The following MTX2 variants were observed in gnomAD, a reference collection of about 807,000 sequenced individuals.
MTX2 encodes metaxin 2, also known as metaxin-2.
A neutral mutation model predicts 42.3 loss-of-function variants in MTX2; 35 were observed. That is an observed-to-expected ratio of 0.83 (90% CI 0.63 to 1.10). The LOEUF is 1.10. Ranked by LOEUF, MTX2 falls within the 50% of genes least tolerant of loss-of-function variation. The probability of loss-of-function intolerance (pLI) is 0.00; values close to 1 mark genes in which losing one functional copy is unlikely to be tolerated. For synonymous variants in MTX2, 119 were observed against 100.9 expected (o/e 1.18, Z -1.08); for missense variants, 307 against 304.1 (o/e 1.01, Z -0.07).
chr2:176,282,625 T>G (rs1050180704), intron 1 of MTX2, among the ~76,000 whole-genome samples: 1 of 152,152 alleles, frequency 6.6e-6, no homozygotes, highest in Admixed American at 6.5e-5. Flanking sequence ...TTTGTTCTAA[T>G]GTGTATATTA....
At chr2:176,286,478 G>A (rs2105403538) in intron 1 of MTX2, among the ~76,000 whole-genome samples, 1 of 151,738 alleles carries the variant, frequency 6.6e-6, no homozygotes, top group African/African-American at 2.4e-5. Flanking sequence ...CTTCTAGAAT[G>A]GCAGGGTATT....
intron 1 of MTX2, among the ~76,000 whole-genome samples, chr2:176,275,660 A>G (rs188202906): frequency 6.3e-4 from 95 of 151,968 alleles, no homozygotes; most frequent in African/African-American, 2.1e-3. Context: ...CATTACTCAC[A>G]TTTTGTTTTT....
Position 176,285,649 on chromosome 2 carries a change from T to A in MTX2, c.41-11211T>A, listed in dbSNP as rs73036838. On this transcript the variant is annotated intron_variant, in intron 1 of 9. Coordinates refer to ENST00000249442, the MANE Select transcript of MTX2 (RefSeq NM_006554.5). The stretch of plus-strand genomic sequence containing the variant: ...CTTTTGTGTCTGGCTTTTTTTTTTT[T>A]ATTGGGCATAATGCTTTTTGAGGGT... Among the ~76,000 whole-genome samples the A allele has an allele frequency of 7.7e-3, 1,168 of 151,890 alleles. 14 individuals carry two copies. Among genetic ancestry groups the A allele is most frequent in the African/African-American group, 0.025 (1,033 of 41,458 alleles).
At chr2:176,321,978 A>G (rs1238420628) in intron 3 of MTX2, among the ~76,000 whole-genome samples, 1 of 151,978 alleles carries the variant, frequency 6.6e-6, no homozygotes, top group Non-Finnish European at 1.5e-5. Flanking sequence ...GGGAAGGAGA[A>G]CAGAATTGAA....
chr2:176,336,247 T>TTA (rs1481182154), intron 9 of MTX2, among the ~76,000 whole-genome samples: 1 of 152,112 alleles, frequency 6.6e-6, no homozygotes, highest in Non-Finnish European at 1.5e-5. Flanking sequence ...GATGCCCCAT[T>TTA]TATAGATCAT....
At chr2:176,327,681 T>C (rs926483001) in intron 5 of MTX2, among the ~76,000 whole-genome samples, 1 of 150,466 alleles carries the variant, frequency 6.6e-6, no homozygotes, top group Admixed American at 6.7e-5. Context: ...TTTGTTTTTA[T>C]AGAGTACTAA....
intron 3 of MTX2, among the ~76,000 whole-genome samples, chr2:176,313,335 G>A (rs1684359507): frequency 6.6e-6 from 1 of 151,004 alleles, no homozygotes; most frequent in African/African-American, 2.4e-5. Flanking sequence ...TCTACCCAGA[G>A]AGCTCTCTCT....
intron 1 of MTX2, among the ~76,000 whole-genome samples, chr2:176,293,244 A>G (rs920882453): frequency 1.3e-5 from 2 of 152,196 alleles, no homozygotes; most frequent in African/African-American, 4.8e-5. Flanking sequence ...GTCTTAAGAA[A>G]AAAATGCTTC....
intron 3 of MTX2, among the ~76,000 whole-genome samples, chr2:176,312,863 CA>C (rs557475003): frequency 0.053 from 2,987 of 56,066 alleles, 17 homozygotes; most frequent in Non-Finnish European, 0.066. Flanking sequence ...AATGCCATCT[CA>C]AAAAAAAAAA....
chr2:176,332,432 G>A (rs1684884117), intron 9 of MTX2, among the ~76,000 whole-genome samples: 1 of 151,268 alleles, frequency 6.6e-6, no homozygotes, highest in African/African-American at 2.4e-5. Context: ...TCTTGGCTCT[G>A]ACATATCTCT....
intron 8 of MTX2, among the ~76,000 whole-genome samples, chr2:176,329,656 C>G (rs1230198415): frequency 1.3e-5 from 2 of 150,910 alleles, no homozygotes; most frequent in African/African-American, 2.4e-5. Flanking sequence ...TGCCTGAAAT[C>G]TCATCACCTA....
intron 3 of MTX2, 127 bp from the exon 4 acceptor site, chr2:176,323,265 G>T (rs1168200400): frequency 2.7e-6 from 2 of 737,548 alleles, no homozygotes; most frequent in South Asian, 2.0e-5. Context: ...CTTTAAATTG[G>T]TTCATTGTTT....
rs1296672325 is a variant in MTX2 at position 176,296,745 on chromosome 2, C to T, written c.41-115C>T. The T allele has an allele frequency of 2.9e-6, 3 of 1,044,090 alleles. No individual in the cohort carries two copies. The Admixed American group carries it at 5.3e-5, about 18-fold the overall frequency. 64.7% of individuals were successfully genotyped at this position (1,044,090 alleles called of 1,614,324 possible). A position where few individuals can be genotyped will look rare whatever the true frequency, so the allele number is the denominator to read the frequency against. ...GTGTGATTAGTTGCCATGTATAAGT[C>T]AACCTTAGCAAATGACTTTAAATGC... On this transcript the variant is annotated intron_variant, in intron 1 of 9. Transcript: ENST00000249442.
At chr2:176,277,137 AAAAATTTGTTTTTATATTGGTAAT>A (rs1442890419) in intron 1 of MTX2, among the ~76,000 whole-genome samples, 1 of 152,220 alleles carries the variant, frequency 6.6e-6, no homozygotes. Flanking sequence ...GTATGTTTTT[AAAAATTTGTTTTTATATTGGTAAT>A]AAAGTGTTTT....
rs540793058 is a variant in MTX2 at position 176,305,351 on chromosome 2, A to C, written c.135+7456A>C. 3.3e-5 allele frequency among the ~76,000 whole-genome samples: 5 copies of C among 152,240 alleles called. No homozygotes were observed. In the South Asian group the frequency reaches 8.3e-4, roughly 25 times the overall value. On this transcript the variant is annotated intron_variant, in intron 3 of 9. Transcript: ENST00000249442. ...TAAAGCATTCATTATAGGAGCTCAGAAAAAGAATATATATATTTTTTCGTT... is the reference window on the plus strand; with the variant it reads ...TAAAGCATTCATTATAGGAGCTCAGCAAAAGAATATATATATTTTTTCGTT...
chr2:176,319,198 T>A (rs1175776742), intron 3 of MTX2, among the ~76,000 whole-genome samples: 4 of 152,202 alleles, frequency 2.6e-5, no homozygotes, highest in African/African-American at 9.6e-5. Context: ...AGAATAAAAA[T>A]ATGCAGATTG....
At chr2:176,293,369 G>A (rs999362650) in intron 1 of MTX2, among the ~76,000 whole-genome samples, 1 of 152,164 alleles carries the variant, frequency 6.6e-6, no homozygotes, top group African/African-American at 2.4e-5. Context: ...CAGTTACTGT[G>A]TAATTATATG....
rs1352173598 is a variant in MTX2 at position 176,337,721 on chromosome 2, A to AC, written c.*58dup. On this transcript the variant is annotated 3_prime_UTR_variant, in exon 10 of 10. Coordinates refer to ENST00000249442, the MANE Select transcript of MTX2 (RefSeq NM_006554.5). ...TTGAAATATGTTTTACTTGAATGTTACATTAGATATTGGTGTCAGAATTTT... is the reference window on the plus strand; with the variant it reads ...TTGAAATATGTTTTACTTGAATGTTACCATTAGATATTGGTGTCAGAATTTT... The AC allele has an allele frequency of 1.7e-4, 248 of 1,440,472 alleles. No homozygotes were observed. Among genetic ancestry groups the AC allele is most frequent in the Non-Finnish European group, 2.3e-4 (244 of 1,077,904 alleles). The allele number at this position is 1,440,472 out of a possible 1,614,324, so 89.2% of individuals were successfully genotyped here. A position where few individuals can be genotyped will look rare whatever the true frequency, so the allele number is the denominator to read the frequency against.
chr2:176,330,802 C>T, intron 9 of MTX2, 142 bp downstream of exon 9: 1 of 603,604 alleles, frequency 1.7e-6, no homozygotes, highest in South Asian at 2.2e-5. Context: ...TGGCACTTTA[C>T]TCTCAGGCAC....
Sources: gnomAD v4.1 joint callset for allele counts (sites outside exome capture counted in the v4.1 genomes callset) on GRCh38, gnomAD v4.1.1 for gene constraint, MANE v1.5 for transcripts, NCBI Gene and HGNC (gene_info 2026-07-23, HGNC 2026-07-21) for gene names.